The following CDIN1 variants were observed in gnomAD, a reference collection of about 807,000 sequenced individuals.
CDIN1 encodes CDAN1-interacting nuclease 1.
Under a neutral mutation model 45.3 loss-of-function variants are expected in CDIN1, and 33 were observed. The observed-to-expected ratio is 0.73, with a 90% CI of 0.55 to 0.97. CDIN1 has a LOEUF of 0.97. Ranked by LOEUF, CDIN1 falls within the 50% of genes least tolerant of loss-of-function variation. The pLI is 0.00. For missense variants in CDIN1, 303 were observed against 339.4 expected (o/e 0.89, Z 0.84); for synonymous variants, 118 against 124.4 (o/e 0.95, Z 0.34).
At chr15:36,610,008 A>G (rs1206024705) in intron 1 of CDIN1, among the ~76,000 whole-genome samples, 2 of 152,232 alleles carry the variant, frequency 1.3e-5, no homozygotes, top group African/African-American at 2.4e-5. Flanking sequence ...GCTCTCTGAC[A>G]TATCAAAGTA....
chr15:36,752,452 G>C (rs968253241), intron 10 of CDIN1, among the ~76,000 whole-genome samples: 14 of 152,200 alleles, frequency 9.2e-5, no homozygotes, highest in African/African-American at 3.4e-4. Flanking sequence ...AATATTGGTG[G>C]TGAGTGGAAA....
chr15:36,683,886 G>A (rs2041946978), intron 5 of CDIN1, among the ~76,000 whole-genome samples: 1 of 129,358 alleles, frequency 7.7e-6, no homozygotes, highest in Non-Finnish European at 1.7e-5. Flanking sequence ...GTCTGTTGTT[G>A]GTGTATAAGA....
intron 10 of CDIN1, among the ~76,000 whole-genome samples, chr15:36,746,006 A>G (rs982376306): frequency 5.9e-5 from 9 of 152,168 alleles, no homozygotes; most frequent in Admixed American, 3.3e-4. Flanking sequence ...TGTTCAAATC[A>G]TAGGACACAG....
In CDIN1 at chr15:36,743,443, G is replaced by T. The variant is rs2044308175; in HGVS notation, c.716+33482G>T. 2.0e-5 allele frequency among the ~76,000 whole-genome samples: 3 copies of T among 152,286 alleles called. No homozygotes were observed. The South Asian group carries it at 6.2e-4, about 32-fold the overall frequency. On this transcript the variant is annotated intron_variant, in intron 10 of 10. Coordinates refer to ENST00000566621, the MANE Select transcript of CDIN1 (RefSeq NM_001321759.2). Reference sequence around the variant, plus strand: ...CTTTTCAGTATCAAGTCCCAACAGTGCAGTGCCCTCTTTTAATCTAATCAA... The same window carrying T: ...CTTTTCAGTATCAAGTCCCAACAGTTCAGTGCCCTCTTTTAATCTAATCAA...
chr15:36,658,594 C>T (rs1019510131), intron 5 of CDIN1, among the ~76,000 whole-genome samples: 1 of 152,042 alleles, frequency 6.6e-6, no homozygotes, highest in Non-Finnish European at 1.5e-5. Context: ...TAAATATTTG[C>T]CTAGTCTCAT....
chr15:36,589,820 T>C (rs2037490778), intron 1 of CDIN1, among the ~76,000 whole-genome samples: 1 of 152,198 alleles, frequency 6.6e-6, no homozygotes, highest in Non-Finnish European at 1.5e-5. Flanking sequence ...TCTCCATTTC[T>C]TAGGGGAACA....
intron 9 of CDIN1, 134 bp from the exon 10 acceptor site, chr15:36,709,722 T>C: frequency 1.6e-6 from 1 of 620,352 alleles, no homozygotes; most frequent in South Asian, 2.3e-5. Context: ...TGTTGTTTTG[T>C]AATTACATTT....
chr15:36,735,844 T>G (rs1438238244), intron 10 of CDIN1, among the ~76,000 whole-genome samples: 2 of 152,218 alleles, frequency 1.3e-5, no homozygotes, highest in Non-Finnish European at 2.9e-5. Context: ...TTAATATTAA[T>G]TCATTTGCAA....
chr15:36,585,894 A>T (rs1284100453), intron 1 of CDIN1, among the ~76,000 whole-genome samples: 1 of 152,208 alleles, frequency 6.6e-6, no homozygotes, highest in Non-Finnish European at 1.5e-5. Context: ...ATTACTTGAG[A>T]GTGGAAATAT....
At chr15:36,618,539 C>T in intron 1 of CDIN1, 1 of 1,129,062 alleles carries the variant, frequency 8.9e-7, no homozygotes, top group Non-Finnish European at 1.4e-6. Context: ...AATTTTCCAC[C>T]TTTACCTGGA....
intron 1 of CDIN1, chr15:36,618,507 A>G: frequency 8.1e-7 from 1 of 1,229,902 alleles, no homozygotes. Context: ...CTCCAACACC[A>G]AAGTTTGACT....
intron 10 of CDIN1, among the ~76,000 whole-genome samples, chr15:36,764,953 C>T (rs1410733470): frequency 6.6e-6 from 1 of 152,058 alleles, no homozygotes; most frequent in Non-Finnish European, 1.5e-5. Flanking sequence ...GATGGCAAAG[C>T]GAGAAGGTAG....
intron 10 of CDIN1, among the ~76,000 whole-genome samples, chr15:36,790,048 C>T (rs946492504): frequency 3.3e-5 from 5 of 152,140 alleles, no homozygotes; most frequent in African/African-American, 1.2e-4. Flanking sequence ...ACTGAAGCCA[C>T]AAGGGTTGCT....
chr15:36,612,377 G>A (rs1435843126), intron 1 of CDIN1, among the ~76,000 whole-genome samples: 1 of 152,196 alleles, frequency 6.6e-6, no homozygotes, highest in African/African-American at 2.4e-5. Flanking sequence ...TGTGGTGGAA[G>A]AGACAAATCT....
At chr15:36,777,680 G>A (rs749310673) in intron 10 of CDIN1, among the ~76,000 whole-genome samples, 7 of 152,108 alleles carry the variant, frequency 4.6e-5, no homozygotes, top group African/African-American at 7.2e-5. Context: ...GCCCAGTCTC[G>A]TCTCACTGCA....
At chr15:36,761,228 A>G (rs976462556) in intron 10 of CDIN1, among the ~76,000 whole-genome samples, 1 of 152,192 alleles carries the variant, frequency 6.6e-6, no homozygotes, top group Non-Finnish European at 1.5e-5. Context: ...TAGATATTTC[A>G]GATTATTTCA....
At chr15:36,734,409 TTAA>T (rs1368823844) in intron 10 of CDIN1, 1 of 414,648 alleles carries the variant, frequency 2.4e-6, no homozygotes, top group African/African-American at 2.1e-5. Context: ...ATTTTTTTTT[TTAA>T]AAAAAGCTCA....
At chr15:36,732,174 C>T (rs2140913373) in intron 10 of CDIN1, among the ~76,000 whole-genome samples, 1 of 152,212 alleles carries the variant, frequency 6.6e-6, no homozygotes, top group Non-Finnish European at 1.5e-5. Context: ...AGAAGTTTGG[C>T]AGGTTTCACT....
At chr15:36,652,019 T>G (rs1595424548) in intron 3 of CDIN1, among the ~76,000 whole-genome samples, 1 of 152,374 alleles carries the variant, frequency 6.6e-6, no homozygotes, top group East Asian at 1.9e-4. Context: ...AAAGGTAGTC[T>G]GGCATCTAGC....
Sources: allele counts gnomAD v4.1 joint callset (sites outside exome capture counted in the v4.1 genomes callset), GRCh38; gene constraint gnomAD v4.1.1; transcripts MANE v1.5; gene names NCBI Gene and HGNC (gene_info 2026-07-23, HGNC 2026-07-21).